The following FBN2 variants were observed in gnomAD, a reference collection of about 807,000 sequenced individuals.
The protein encoded by FBN2 is fibrillin-2.
A neutral mutation model predicts 355.6 loss-of-function variants in FBN2; 105 were observed. The ratio of observed to expected loss-of-function variants is 0.30; its 90% CI spans 0.25 to 0.35. The LOEUF (loss-of-function observed/expected upper bound fraction) is 0.35. Ranked by LOEUF, FBN2 falls within the 10% of genes least tolerant of loss-of-function variation. The pLI is 1.00. For synonymous variants in FBN2, 1,350 were observed against 1,301.2 expected, an observed-to-expected ratio of 1.04 and a Z score of -0.81; for missense variants, 3,280 against 3,758.7, an observed-to-expected ratio of 0.87 and a Z score of 3.33.
At chr5:128,383,943 A>G (rs537041913) in intron 11 of FBN2, among the ~76,000 whole-genome samples, 1 of 152,226 alleles carries the variant, frequency 6.6e-6, no homozygotes, top group East Asian at 1.9e-4. Context: ...ACGCCTAGGT[A>G]TATACTCAAA....
chr5:128,263,333 A>T (rs1765024434), intron 63 of FBN2, 92 bp downstream of exon 63: 2 of 983,970 alleles, frequency 2.0e-6, no homozygotes, highest in African/African-American at 1.6e-5. Context: ...TTTGGCTTTT[A>T]GACACTGTAC....
chr5:128,323,471 G>A (rs1056677494), intron 34 of FBN2, among the ~76,000 whole-genome samples: 1 of 152,198 alleles, frequency 6.6e-6, no homozygotes, highest in East Asian at 1.9e-4. Context: ...GCATGAAGGG[G>A]TGTTGAATTT....
chr5:128,277,731 A>C (rs932417379), intron 58 of FBN2, 149 bp downstream of exon 58: 2 of 898,762 alleles, frequency 2.2e-6, no homozygotes, highest in African/African-American at 1.7e-5. Context: ...TGTGATTAAG[A>C]AGCACATTAT....
At chr5:128,343,535 A>G (rs939775979) in intron 25 of FBN2, among the ~76,000 whole-genome samples, 26 of 152,342 alleles carry the variant, frequency 1.7e-4, no homozygotes, top group African/African-American at 6.3e-4. Context: ...GAGAATACGA[A>G]CAAAGAGAGT....
chr5:128,367,762 A>G (rs1432607504), intron 16 of FBN2, among the ~76,000 whole-genome samples: 1 of 151,984 alleles, frequency 6.6e-6, no homozygotes, highest in Non-Finnish European at 1.5e-5. Context: ...TCATTTTATT[A>G]GTTCACTTAG....
At chr5:128,450,369 G>A (rs540958530) in intron 6 of FBN2, among the ~76,000 whole-genome samples, 1 of 151,934 alleles carries the variant, frequency 6.6e-6, no homozygotes, top group South Asian at 2.1e-4. Flanking sequence ...AAACTAGAAA[G>A]TAATAAAGGA....
At chr5:128,279,462 A>G (rs1353228233) in intron 56 of FBN2, among the ~76,000 whole-genome samples, 3 of 152,194 alleles carry the variant, frequency 2.0e-5, no homozygotes. Flanking sequence ...GACTGATGTT[A>G]GTTAGTAAAG....
chr5:128,263,960 T>C (rs1425521900), intron 62 of FBN2, among the ~76,000 whole-genome samples: 1 of 152,156 alleles, frequency 6.6e-6, no homozygotes, highest in African/African-American at 2.4e-5. Context: ...TAACAGAAGG[T>C]TACTTCAAAA....
chr5:128,353,998 C>T (rs1751437448), intron 20 of FBN2, among the ~76,000 whole-genome samples: 1 of 152,182 alleles, frequency 6.6e-6, no homozygotes, highest in African/African-American at 2.4e-5. Context: ...CCCTCCCTGT[C>T]TCCCCACTGA....
Position 128,357,313 on chromosome 5 carries a change from G to A in FBN2, c.2637C>T (p.Pro879=), listed in dbSNP as rs1204255824. The A allele has an allele frequency of 8.1e-6, 13 of 1,613,802 alleles. No individual in the cohort carries two copies. Among genetic ancestry groups the A allele is most frequent in the South Asian group, 5.5e-5 (5 of 91,080 alleles). The change falls in exon 20 of 65, where the codon CCC becomes CCT. Residue 879 remains proline, a synonymous_variant. Coordinates refer to ENST00000262464, the MANE Select transcript of FBN2 (RefSeq NM_001999.4). ...ATCCTGTGGAGCTGAGTTTGCTGCC[G>A]GGCGAACATTCACAATTGAAAGATC... ...NLGSFNCECS[P]GSKLSSTGLI...
rs78513078 is a variant in FBN2 at position 128,495,682 on chromosome 5, G to C, written c.628+23591C>G. Among the ~76,000 whole-genome samples, 9 of 152,098 alleles carry C rather than the reference G, an allele frequency of 5.9e-5. No homozygotes were observed. The South Asian group carries it at 1.7e-3, about 28-fold the overall frequency. ...TACTAATAAAATAGAAAATAGAAAA[G>C]TAAGAGAAAAATCAACAAAATCAAA... is the stretch of plus-strand genomic sequence containing the variant. On this transcript the variant is annotated intron_variant, in intron 5 of 64. Coordinates refer to ENST00000262464, the MANE Select transcript of FBN2 (RefSeq NM_001999.4).
chr5:128,443,721 G>C (rs527291766), intron 7 of FBN2, among the ~76,000 whole-genome samples: 1 of 152,266 alleles, frequency 6.6e-6, no homozygotes, highest in South Asian at 2.1e-4. Flanking sequence ...TAATTGCTGT[G>C]TGAGCAGAAA....
At chr5:128,450,607 G>C (rs1485126146) in intron 6 of FBN2, among the ~76,000 whole-genome samples, 2 of 151,924 alleles carry the variant, frequency 1.3e-5, no homozygotes, top group Non-Finnish European at 2.9e-5. Flanking sequence ...TTAAATCAAT[G>C]ATCTCAGTTT....
In FBN2 at chr5:128,328,835, C is replaced by A. The variant is rs747978315; in HGVS notation, c.4346-14G>T. The A allele has an allele frequency of 6.2e-7, 1 of 1,613,974 alleles. No individual in the cohort carries two copies. The highest frequency in any genetic ancestry group is 8.5e-7 in the Non-Finnish European group (1 of 1,179,908). Reference sequence around the variant, plus strand: ...ACTCATCAACATCTGTGCAAAAAAGCAAATTACATCTCTGTTAAGTTCCAA... The same window carrying A: ...ACTCATCAACATCTGTGCAAAAAAGAAAATTACATCTCTGTTAAGTTCCAA... On this transcript the variant is annotated splice_polypyrimidine_tract_variant and intron_variant, in intron 33 of 64. Transcript: ENST00000262464.
chr5:128,498,340 T>C (rs1755711792), intron 5 of FBN2, among the ~76,000 whole-genome samples: 1 of 152,194 alleles, frequency 6.6e-6, no homozygotes, highest in African/African-American at 2.4e-5. Context: ...TTAATGAATA[T>C]AGCACTTTCC....
chr5:128,478,784 G>A (rs557397577), intron 5 of FBN2, among the ~76,000 whole-genome samples: 9 of 152,192 alleles, frequency 5.9e-5, no homozygotes, highest in South Asian at 4.2e-4. Context: ...ATTACAAGTT[G>A]AAAAAAGACA....
intron 3 of FBN2, among the ~76,000 whole-genome samples, chr5:128,528,238 T>C (rs1415800226): frequency 6.6e-6 from 1 of 152,146 alleles, no homozygotes; most frequent in East Asian, 1.9e-4. Context: ...GCATAGTTTC[T>C]GGAAAGCAGG....
chr5:128,347,066 G>A (rs1751202603), intron 23 of FBN2, among the ~76,000 whole-genome samples: 1 of 152,168 alleles, frequency 6.6e-6, no homozygotes, highest in Non-Finnish European at 1.5e-5. Flanking sequence ...TATGTCAGCA[G>A]CTAAGTAAGA....
chr5:128,441,667 G>A (rs1753923926), intron 7 of FBN2, among the ~76,000 whole-genome samples: 1 of 152,100 alleles, frequency 6.6e-6, no homozygotes, highest in Non-Finnish European at 1.5e-5. Flanking sequence ...GGCAGAGTCA[G>A]GCAAGAAAAA....
Sources: allele counts gnomAD v4.1 joint callset (sites outside exome capture counted in the v4.1 genomes callset), GRCh38; gene constraint gnomAD v4.1.1; transcripts MANE v1.5; gene names NCBI Gene and HGNC (gene_info 2026-07-23, HGNC 2026-07-21).